The following GK variants were observed in gnomAD, a reference collection of about 807,000 sequenced individuals.
GK encodes glycerol kinase.
In GK, 9 loss-of-function variants were observed where a neutral mutation model predicts 56.4. The ratio of observed to expected loss-of-function variants is 0.16; its 90% confidence interval spans 0.10 to 0.28. The LOEUF (loss-of-function observed/expected upper bound fraction) is 0.28. Among genes scored for constraint, GK ranks in the 10% least tolerant of loss-of-function variants. The pLI is 1.00. For missense variants in GK, 161 were observed against 431.4 expected, an observed-to-expected ratio of 0.37 and a Z score of 5.55; for synonymous variants, 104 against 144.1, an observed-to-expected ratio of 0.72 and a Z score of 1.99.
intron 5 of GK, among the ~76,000 whole-genome samples, chrX:30,693,580 G>A (rs1408886104): frequency 1.1e-4 from 12 of 110,280 alleles, no homozygotes; most frequent in African/African-American, 1.7e-4. Flanking sequence ...ACAGAGTCTC[G>A]CTCTGTCATC....
chrX:30,713,779 G>T, intron 13 of GK, among the ~76,000 whole-genome samples: 1 of 111,806 alleles, frequency 8.9e-6, no homozygotes. Flanking sequence ...CTTCCCTCTG[G>T]CATCCTTGTT....
chrX:30,681,271 A>T (rs1266870501), intron 4 of GK, among the ~76,000 whole-genome samples: 1 of 112,360 alleles, frequency 8.9e-6, no homozygotes, highest in African/African-American at 3.2e-5. Flanking sequence ...AAGAATTGGA[A>T]GTCCAGTTTA....
intron 11 of GK, among the ~76,000 whole-genome samples, chrX:30,703,859 G>T (rs1272830152): frequency 9.3e-6 from 1 of 107,327 alleles, no homozygotes; most frequent in Non-Finnish European, 1.9e-5. Flanking sequence ...TACTCAGAAG[G>T]CTGAGGCATG....
chrX:30,711,199 T>C (rs1217795584), intron 13 of GK, among the ~76,000 whole-genome samples: 1 of 109,694 alleles, frequency 9.1e-6, no homozygotes, highest in Admixed American at 9.8e-5. Context: ...GCCTATTCTT[T>C]TTAGGTTTGT....
intron 1 of GK, among the ~76,000 whole-genome samples, chrX:30,654,343 A>C (rs1003615359): frequency 5.3e-5 from 6 of 112,823 alleles, no homozygotes; most frequent in Non-Finnish European, 1.1e-4. Flanking sequence ...GTGACAGCAC[A>C]GTTTTACCAC....
chrX:30,665,488 TA>T, intron 1 of GK, 22 bp from the exon 2 acceptor site: 1 of 915,612 alleles, frequency 1.1e-6, no homozygotes. Context: ...ATTTTTACAT[TA>T]ATATTACAAT....
At chrX:30,696,893 T>C in intron 8 of GK, 1 of 413,568 alleles carries the variant, frequency 2.4e-6, no homozygotes, top group East Asian at 4.2e-5. Flanking sequence ...TCTTTGAGTA[T>C]TATTATTTTT....
intron 1 of GK, among the ~76,000 whole-genome samples, chrX:30,660,014 G>C (rs1018215271): frequency 1.3e-4 from 15 of 111,941 alleles, no homozygotes; most frequent in African/African-American, 4.9e-4. Flanking sequence ...CTTCCAAAGT[G>C]CTGGGATTAC....
intron 1 of GK, among the ~76,000 whole-genome samples, chrX:30,660,812 CTTT>C (rs57537572): frequency 2.4e-5 from 2 of 83,363 alleles, no homozygotes; most frequent in Non-Finnish European, 4.6e-5. Context: ...TTTCTTTCTT[CTTT>C]TTTTTTTTTT....
intron 1 of GK, among the ~76,000 whole-genome samples, chrX:30,662,869 C>CCT (rs1555910692): frequency 5.0e-5 from 3 of 60,302 alleles, no homozygotes; most frequent in Non-Finnish European, 8.6e-5. Flanking sequence ...TTCTTTCTTT[C>CCT]TCTTTCTTTC....
chrX:30,712,020 A>AAG (rs747679914), intron 13 of GK, among the ~76,000 whole-genome samples: 3 of 112,158 alleles, frequency 2.7e-5, no homozygotes, highest in Admixed American at 1.9e-4. Context: ...TATAAAAGAA[A>AAG]AGAGAGAGAG....
intron 12 of GK, 22 bp from the exon 13 acceptor site, chrX:30,708,032 C>CTT (rs371103817): frequency 2.6e-5 from 25 of 948,024 alleles, no homozygotes; most frequent in African/African-American, 5.9e-5. Flanking sequence ...CTACTGAAAT[C>CTT]TTTTTTTTTT....
chrX:30,682,434 G>T (rs1180353893), intron 4 of GK, among the ~76,000 whole-genome samples: 1 of 111,719 alleles, frequency 9.0e-6, no homozygotes, highest in Non-Finnish European at 1.9e-5. Context: ...AAGGATAGAA[G>T]TTTGGAAGCT....
At chrX:30,676,938 C>T (rs1222418271) in intron 3 of GK, among the ~76,000 whole-genome samples, 1 of 110,450 alleles carries the variant, frequency 9.1e-6, no homozygotes, top group African/African-American at 3.3e-5. Flanking sequence ...TAGGCATGTA[C>T]ATGTGCACAC....
At chrX:30,682,333 G>T (rs1304229748) in intron 4 of GK, among the ~76,000 whole-genome samples, 1 of 111,639 alleles carries the variant, frequency 9.0e-6, no homozygotes, top group Non-Finnish European at 1.9e-5. Context: ...GAAAGAATAG[G>T]TGCCTTTCTG....
intron 8 of GK, 68 bp downstream of exon 8, chrX:30,696,751 A>T: frequency 1.2e-6 from 1 of 832,962 alleles, no homozygotes; most frequent in Non-Finnish European, 1.8e-6. Context: ...AAAACCTAAT[A>T]ATTAAAGTTT....
At chrX:30,663,593 C>T (rs969178875) in intron 1 of GK, among the ~76,000 whole-genome samples, 1 of 111,032 alleles carries the variant, frequency 9.0e-6, no homozygotes, top group African/African-American at 3.3e-5. Context: ...GATATTTTAT[C>T]TTCTCAAAGG....
At chrX:30,700,170 G>A (rs1181712088) in intron 9 of GK, 1 of 362,831 alleles carries the variant, frequency 2.8e-6, no homozygotes, top group Non-Finnish European at 4.8e-6. Flanking sequence ...CAAGAGTAGA[G>A]CCCTCATTTA....
intron 4 of GK, among the ~76,000 whole-genome samples, chrX:30,682,605 T>G (rs1934342512): frequency 8.9e-6 from 1 of 112,400 alleles, no homozygotes; most frequent in African/African-American, 3.2e-5. Context: ...TTTAGCAGTT[T>G]TATTCTAAAG....
Sources: allele counts gnomAD v4.1 joint callset (sites outside exome capture counted in the v4.1 genomes callset), GRCh38; gene constraint gnomAD v4.1.1; transcripts MANE v1.5; gene names NCBI Gene and HGNC (gene_info 2026-07-23, HGNC 2026-07-21).